CBLC: variants seen among roughly 807,000 people sequenced by gnomAD.
CBLC encodes Cbl proto-oncogene C, also known as E3 ubiquitin-protein ligase CBL-C.
In CBLC, 46 loss-of-function variants were observed where a neutral mutation model predicts 58.6. The observed-to-expected ratio is 0.79, with a 90% confidence interval of 0.62 to 1.00. The LOEUF (loss-of-function observed/expected upper bound fraction) is 1.00, where lower values mean the gene tolerates loss of function less well. Among genes scored for constraint, CBLC ranks in the 50% least tolerant of loss-of-function variants. The probability of loss-of-function intolerance (pLI) is 0.00; values close to 1 mark genes in which losing one functional copy is unlikely to be tolerated. For synonymous variants in CBLC, 271 were observed against 264.2 expected, an observed-to-expected ratio of 1.03 and a Z score of -0.25; for missense variants, 655 against 625.8, an observed-to-expected ratio of 1.05 and a Z score of -0.50.
At chr19:44,799,311 G>A (rs1471193323) in intron 9 of CBLC, among the ~76,000 whole-genome samples, 2 of 152,104 alleles carry the variant, frequency 1.3e-5, no homozygotes, top group Non-Finnish European at 2.9e-5. Context: ...CACTCCAGAC[G>A]AGGCAACAGA....
At chr19:44,788,956 A>T (rs1967978437) in intron 5 of CBLC, among the ~76,000 whole-genome samples, 3 of 152,322 alleles carry the variant, frequency 2.0e-5, no homozygotes. Context: ...CAGGTCAGGG[A>T]TCCTGCACTG....
intron 9 of CBLC, among the ~76,000 whole-genome samples, chr19:44,795,322 C>A (rs1968156577): frequency 6.6e-6 from 1 of 151,152 alleles, no homozygotes; most frequent in African/African-American, 2.4e-5. Context: ...TTGAGACCAG[C>A]CTGGGCAACA....
chr19:44,794,377 C>G, intron 9 of CBLC, 96 bp downstream of exon 9: 1 of 1,128,372 alleles, frequency 8.9e-7, no homozygotes, highest in Non-Finnish European at 1.3e-6. Context: ...AGGGCAGGGA[C>G]TCATCCTTGG....
In CBLC at chr19:44,792,398, T is replaced by C; in HGVS notation, c.1021T>C (p.Tyr341His). 1 of 1,613,662 alleles carries C rather than the reference T, an allele frequency of 6.2e-7. No homozygotes were observed. Among genetic ancestry groups the C allele is most frequent in the Non-Finnish European group, 8.5e-7 (1 of 1,179,928 alleles). The part of the protein sequence containing the change: ...IHVSEEQLQL[Y>H]WAMDSTFELC... ...CACCTGCCAGGAGCAGCTGCAGCTCTACTGGGCCATGGACTCCACATTTGA... is the reference window on the plus strand; with the variant it reads ...CACCTGCCAGGAGCAGCTGCAGCTCCACTGGGCCATGGACTCCACATTTGA... Residue 341 changes from tyrosine to histidine, a missense_variant, in exon 7 of 11, where the codon TAC becomes CAC. Tyr to His is a moderately conservative substitution (Grantham distance 83, BLOSUM62 2). This residue lies in a region of CBLC where 371 missense variants were observed against 370.8 expected (regional missense o/e 1.00). Coordinates refer to ENST00000647358, the MANE Select transcript of CBLC (RefSeq NM_012116.4).
At chr19:44,786,017 C>T (rs1352926407) in intron 5 of CBLC, among the ~76,000 whole-genome samples, 2 of 151,998 alleles carry the variant, frequency 1.3e-5, no homozygotes, top group Admixed American at 6.6e-5. Context: ...CTAGGCTGGT[C>T]TCGAACTCCT....
At chr19:44,787,882 G>T (rs1967951425) in intron 5 of CBLC, among the ~76,000 whole-genome samples, 1 of 150,700 alleles carries the variant, frequency 6.6e-6, no homozygotes, top group African/African-American at 2.4e-5. Flanking sequence ...CTAGAACTTT[G>T]TGGGAGGATC....
intron 6 of CBLC, among the ~76,000 whole-genome samples, chr19:44,790,737 T>C (rs1968025701): frequency 6.6e-6 from 1 of 152,200 alleles, no homozygotes; most frequent in African/African-American, 2.4e-5. Context: ...TATCTGGCCC[T>C]AAATTTTTTT....
At chr19:44,777,870 C>T, upstream of CBLC, 2 of 1,407,750 alleles carry the variant, frequency 1.4e-6, no homozygotes, top group Non-Finnish European at 1.9e-6. Flanking sequence ...TCTCCTTTCA[C>T]TCTGGGCGAG....
At chr19:44,788,285 A>C (rs1967962212) in intron 5 of CBLC, among the ~76,000 whole-genome samples, 1 of 150,494 alleles carries the variant, frequency 6.6e-6, no homozygotes, top group Non-Finnish European at 1.5e-5. Context: ...ATGCCCAGCT[A>C]ATTTTTTTAA....
chr19:44,780,283 C>T (rs1280128095), intron 1 of CBLC, among the ~76,000 whole-genome samples: 1 of 151,338 alleles, frequency 6.6e-6, no homozygotes, highest in Admixed American at 6.6e-5. Context: ...TACAGGCACC[C>T]GCCACCACGC....
At chr19:44,797,010 C>G (rs370850913) in intron 9 of CBLC, among the ~76,000 whole-genome samples, 1 of 152,158 alleles carries the variant, frequency 6.6e-6, no homozygotes, top group African/African-American at 2.4e-5. Flanking sequence ...TCAGCCGGCT[C>G]CCAGAGGACA....
At chr19:44,794,930 G>A (rs1228124938) in intron 9 of CBLC, among the ~76,000 whole-genome samples, 1 of 151,492 alleles carries the variant, frequency 6.6e-6, no homozygotes, top group African/African-American at 2.4e-5. Flanking sequence ...CCCTAGCTGG[G>A]GTGGTGGCTC....
chr19:44,789,654 G>A (rs1967995300), intron 5 of CBLC, among the ~76,000 whole-genome samples: 1 of 152,168 alleles, frequency 6.6e-6, no homozygotes, highest in Non-Finnish European at 1.5e-5. Context: ...GCCTCCCAAA[G>A]TGCTGGGATT....
chr19:44,794,180 TCTC>T (rs762117393), intron 8 of CBLC, 21 bp from the exon 9 acceptor site: 20 of 1,593,434 alleles, frequency 1.3e-5, no homozygotes, highest in Admixed American at 1.8e-5. Flanking sequence ...ACAAGCCCCT[TCTC>T]CTTCCTCTGT....
At chr19:44,782,839 G>A (rs1200051486) in intron 4 of CBLC, among the ~76,000 whole-genome samples, 1 of 152,108 alleles carries the variant, frequency 6.6e-6, no homozygotes, top group Non-Finnish European at 1.5e-5. Flanking sequence ...TGGCATAGGA[G>A]ACTGAAAAAC....
intron 5 of CBLC, among the ~76,000 whole-genome samples, chr19:44,787,997 A>G (rs1361902586): frequency 6.8e-6 from 1 of 146,370 alleles, no homozygotes; most frequent in Non-Finnish European, 1.5e-5. Flanking sequence ...AGGTATCACT[A>G]TGTTGTCCAG....
At chr19:44,779,591 G>A (rs1340680945) in intron 1 of CBLC, among the ~76,000 whole-genome samples, 2 of 147,676 alleles carry the variant, frequency 1.4e-5, no homozygotes, top group Admixed American at 6.8e-5. Context: ...TGGCCCTGTC[G>A]CCCAGACTGG....
Position 44,792,504 on chromosome 19 carries a change from C to T in CBLC, c.1127C>T (p.Ala376Val). Residue 376 changes from alanine to valine, a missense_variant, in exon 7 of 11, where the codon GCT becomes GTT. Transcript: ENST00000647358. Reference sequence around the variant, plus strand: ...CACCTGCTCTGCAGCTGCTGCCTGGCTGCCTGGCAGGTGGGTCTGACCCCT... The same window carrying T: ...CACCTGCTCTGCAGCTGCTGCCTGGTTGCCTGGCAGGTGGGTCTGACCCCT... ...CGHLLCSCCL[A>V]AWQHSDSQTC... 1 of 1,600,154 alleles carries T rather than the reference C, an allele frequency of 6.2e-7. No homozygotes were observed. The highest frequency in any genetic ancestry group is 8.5e-7 in the Non-Finnish European group (1 of 1,174,794).
At chr19:44,795,634 TAAAAA>T (rs113434151) in intron 9 of CBLC, among the ~76,000 whole-genome samples, 1 of 144,732 alleles carries the variant, frequency 6.9e-6, no homozygotes, top group Non-Finnish European at 1.5e-5. Flanking sequence ...CCCCGTTCTC[TAAAAA>T]AAAAAAGAAA....
Sources: allele counts gnomAD v4.1 joint callset (sites outside exome capture counted in the v4.1 genomes callset), GRCh38; gene constraint gnomAD v4.1.1; regional missense constraint gnomAD v4.1.1; transcripts MANE v1.5; gene names NCBI Gene and HGNC (gene_info 2026-07-23, HGNC 2026-07-21).